The following CFAP53 variants were observed in gnomAD, a reference collection of about 807,000 sequenced individuals.
The protein encoded by CFAP53 is cilia and flagella associated protein 53, also known as cilia- and flagella-associated protein 53.
A neutral mutation model predicts 59.7 loss-of-function variants in CFAP53; 62 were observed. The observed-to-expected ratio is 1.04, with a 90% CI of 0.85 to 1.28. The LOEUF is 1.28. Among genes scored for constraint, CFAP53 ranks in the 50% most tolerant of loss-of-function variants. CFAP53 has a pLI of 0.00. For missense variants in CFAP53, 629 were observed against 615.6 expected, an observed-to-expected ratio of 1.02 and a Z score of -0.23; for synonymous variants, 218 against 205.7, an observed-to-expected ratio of 1.06 and a Z score of -0.51.
chr18:50,230,325 GCCCCA>G (rs1475156401), intron 7 of CFAP53, among the ~76,000 whole-genome samples: 2 of 152,236 alleles, frequency 1.3e-5, no homozygotes, highest in East Asian at 3.9e-4. Context: ...AGGACTTTCA[GCCCCA>G]CCCACTGACC....
intron 4 of CFAP53, 59 bp downstream of exon 4, chr18:50,251,422 G>T (rs2033798001): frequency 1.4e-6 from 2 of 1,464,130 alleles, no homozygotes; most frequent in East Asian, 4.5e-5. Context: ...TAACAGGCCT[G>T]CAAACTGTAC....
In CFAP53 at chr18:50,252,782, G is replaced by T. The variant is rs527661771; in HGVS notation, c.474-998C>A. On this transcript the variant is annotated intron_variant, in intron 3 of 7. Coordinates refer to ENST00000398545, the MANE Select transcript of CFAP53 (RefSeq NM_145020.5). ...CATATCTGTAATCCCAACACTTTGG[G>T]AGGCCAAGGCAGGAGGATCGCTGGA... Among the ~76,000 whole-genome samples the T allele has an allele frequency of 6.0e-4, 92 of 152,320 alleles. 1 individual carries two copies. Among genetic ancestry groups the T allele is most frequent in the African/African-American group, 2.1e-3 (88 of 41,582 alleles).
At chr18:50,260,190 A>G (rs1371660400) in intron 3 of CFAP53, among the ~76,000 whole-genome samples, 1 of 152,190 alleles carries the variant, frequency 6.6e-6, no homozygotes, top group African/African-American at 2.4e-5. Context: ...ATGGAAAACC[A>G]CAATGAAAAG....
chr18:50,254,846 A>C, intron 3 of CFAP53, among the ~76,000 whole-genome samples: 1 of 152,204 alleles, frequency 6.6e-6, no homozygotes, highest in East Asian at 1.9e-4. Context: ...AGCCGAGATC[A>C]CGCCATTTCA....
chr18:50,262,082 G>T lies in CFAP53; in HGVS notation c.207C>A (p.His69Gln). 6.2e-7 allele frequency: 1 copy of T among 1,614,192 alleles called. No individual in the cohort carries two copies. Among genetic ancestry groups the T allele is most frequent in the Non-Finnish European group, 8.5e-7 (1 of 1,180,038 alleles). The change falls in exon 2 of 8, where the codon CAC becomes CAA. Residue 69 changes from histidine to glutamine, a missense_variant. Physicochemically the swap from His to Gln is conservative, Grantham distance 24. Transcript: ENST00000398545. The part of the protein sequence containing the change: ...RDRLKAEWDQ[H>Q]NDCKILDSLV... ...GGCTGTCCAAAATCTTGCAGTCATTGTGCTGGTCCCACTCAGCTTTCAAGC... is the reference window on the plus strand; with the variant it reads ...GGCTGTCCAAAATCTTGCAGTCATTTTGCTGGTCCCACTCAGCTTTCAAGC...
chr18:50,251,839 A>AT, intron 3 of CFAP53, 55 bp from the exon 4 acceptor site: 1 of 1,426,756 alleles, frequency 7.0e-7, no homozygotes, highest in Non-Finnish European at 9.7e-7. Context: ...GCACTGCTCT[A>AT]TTGAGGCACA....
At chr18:50,261,374 G>A (rs2033892479) in intron 2 of CFAP53, 137 bp from the exon 3 acceptor site, 1 of 1,029,574 alleles carries the variant, frequency 9.7e-7, no homozygotes, top group Non-Finnish European at 1.3e-6. Context: ...AATAAGACTG[G>A]TTGGTTTGTT....
chr18:50,254,436 T>C (rs572916704), intron 3 of CFAP53, among the ~76,000 whole-genome samples: 1 of 152,232 alleles, frequency 6.6e-6, no homozygotes, highest in Admixed American at 6.5e-5. Context: ...GCACGCCTAT[T>C]AGAACAGCTA....
intron 4 of CFAP53, 21 bp downstream of exon 4, chr18:50,251,460 A>G (rs960879138): frequency 1.9e-5 from 30 of 1,602,462 alleles, no homozygotes; most frequent in Admixed American, 8.4e-5. Flanking sequence ...TCACCCTCTA[A>G]CAAGCATTTT....
chr18:50,240,241 T>G (rs972930817), intron 6 of CFAP53, among the ~76,000 whole-genome samples: 1 of 151,992 alleles, frequency 6.6e-6, no homozygotes, highest in African/African-American at 2.4e-5. Flanking sequence ...TGCCCCACCC[T>G]GACTCATTCT....
At chr18:50,242,840 G>T (rs1362136449) in intron 6 of CFAP53, 60 bp downstream of exon 6, 3 of 1,308,052 alleles carry the variant, frequency 2.3e-6, no homozygotes, top group South Asian at 1.2e-5. Flanking sequence ...TTAGTATTTT[G>T]GTTGTTACTT....
Position 50,234,001 on chromosome 18 carries a change from C to T in CFAP53, c.1316+4602G>A, listed in dbSNP as rs138045025. On this transcript the variant is annotated intron_variant, in intron 7 of 7. Transcript: ENST00000398545. ...AGGTTCACCTCTGCATCAGAAAATC[C>T]GAGGGATCTGGCCCTTTTATAGGCA... Among the ~76,000 whole-genome samples, 636 of 152,290 alleles carry T rather than the reference C, an allele frequency of 4.2e-3. 5 individuals are homozygous for T. Among genetic ancestry groups the T allele is most frequent in the African/African-American group, 0.014 (587 of 41,558 alleles).
At chr18:50,258,540 T>C (rs2033864840) in intron 3 of CFAP53, among the ~76,000 whole-genome samples, 1 of 152,196 alleles carries the variant, frequency 6.6e-6, no homozygotes, top group African/African-American at 2.4e-5. Context: ...GACATTGGAC[T>C]GGGCAAAGAT....
chr18:50,238,639 T>C lies in CFAP53; in HGVS notation c.1280A>G (p.Lys427Arg). ...MEQKHINESL[K>R]ELNCEEKENF... ...CTCCTTCTCTTCACAGTTAAGTTCT[T>C]TAAGACTTTCATTTATGTGTTTCTG... Residue 427 changes from lysine to arginine, a missense_variant, in exon 7 of 8, where the codon AAA (lysine) becomes AGA (arginine). Physicochemically the swap from Lys to Arg is conservative, Grantham distance 26. Transcript: ENST00000398545. 1.9e-6 allele frequency: 3 copies of C among 1,611,984 alleles called. No individual in the cohort carries two copies. Among genetic ancestry groups the C allele is most frequent in the Non-Finnish European group, 2.5e-6 (3 of 1,179,062 alleles).
intron 3 of CFAP53, among the ~76,000 whole-genome samples, chr18:50,254,457 C>A (rs542029406): frequency 1.3e-5 from 2 of 151,958 alleles, no homozygotes; most frequent in South Asian, 2.1e-4. Context: ...AAAATAAAAA[C>A]AAAACAAAAC....
chr18:50,240,832 G>A (rs1354014209), intron 6 of CFAP53, among the ~76,000 whole-genome samples: 2 of 152,198 alleles, frequency 1.3e-5, no homozygotes, highest in African/African-American at 2.4e-5. Context: ...GACCACTGGT[G>A]CGAAATCCAA....
At chr18:50,264,867 C>A (rs571802143) in intron 1 of CFAP53, among the ~76,000 whole-genome samples, 1 of 152,272 alleles carries the variant, frequency 6.6e-6, no homozygotes, top group East Asian at 1.9e-4. Flanking sequence ...CAAAGTAGAT[C>A]TTCTGTCCTT....
At chr18:50,247,865 A>G (rs1049494135) in intron 5 of CFAP53, among the ~76,000 whole-genome samples, 5 of 152,218 alleles carry the variant, frequency 3.3e-5, no homozygotes, top group African/African-American at 9.6e-5. Flanking sequence ...AAATGTGATG[A>G]CAGCTGCACA....
chr18:50,228,717 G>A (rs528805912), intron 7 of CFAP53, among the ~76,000 whole-genome samples: 3 of 152,250 alleles, frequency 2.0e-5, no homozygotes, highest in Non-Finnish European at 4.4e-5. Context: ...CTTGAACCCA[G>A]GAGGCGGAGG....
Sources: allele counts gnomAD v4.1 joint callset (sites outside exome capture counted in the v4.1 genomes callset), GRCh38; gene constraint gnomAD v4.1.1; transcripts MANE v1.5; gene names NCBI Gene and HGNC (gene_info 2026-07-23, HGNC 2026-07-21).